The following ROBO2 variants were observed in gnomAD, a reference collection of about 807,000 sequenced individuals.
The protein encoded by ROBO2 is roundabout homolog 2.
Under a neutral mutation model 160.8 loss-of-function variants are expected in ROBO2, and 53 were observed. That is an observed-to-expected ratio of 0.33 (90% CI 0.26 to 0.41). ROBO2 has a LOEUF of 0.41. Ranked by LOEUF, ROBO2 falls within the 10% of genes least tolerant of loss-of-function variation. ROBO2 has a pLI of 1.00. For missense variants in ROBO2, 1,577 were observed against 1,722.4 expected, an observed-to-expected ratio of 0.92 and a Z score of 1.49; for synonymous variants, 664 against 611.7, an observed-to-expected ratio of 1.09 and a Z score of -1.26.
chr3:76,426,514 A>T (rs1185749215), intron 2 of ROBO2, among the ~76,000 whole-genome samples: 1 of 152,144 alleles, frequency 6.6e-6, no homozygotes, highest in Non-Finnish European at 1.5e-5. Flanking sequence ...AAATAAAATG[A>T]TCCTTTTTCT....
At chr3:76,037,827 T>C (rs1417108121) in intron 2 of ROBO2, among the ~76,000 whole-genome samples, 1 of 152,036 alleles carries the variant, frequency 6.6e-6, no homozygotes, top group Non-Finnish European at 1.5e-5. Context: ...ACAATGAATA[T>C]GAGTTTTTAA....
intron 2 of ROBO2, among the ~76,000 whole-genome samples, chr3:77,112,931 G>A (rs2073811721): frequency 6.6e-6 from 1 of 152,134 alleles, no homozygotes; most frequent in African/African-American, 2.4e-5. Flanking sequence ...TGAATCTCCA[G>A]GATAATGAAA....
At chr3:77,264,156 C>G (rs144750489) in intron 2 of ROBO2, among the ~76,000 whole-genome samples, 3 of 152,018 alleles carry the variant, frequency 2.0e-5, no homozygotes, top group Admixed American at 2.0e-4. Flanking sequence ...AAATTCAGTG[C>G]TTTTAACAAA....
intron 2 of ROBO2, among the ~76,000 whole-genome samples, chr3:77,293,732 A>C (rs1459194154): frequency 2.8e-5 from 4 of 142,754 alleles, no homozygotes; most frequent in African/African-American, 1.1e-4. Flanking sequence ...ATTGATGGTT[A>C]AACGGGTAAG....
At chr3:77,462,515 T>C (rs920736305) in intron 2 of ROBO2, among the ~76,000 whole-genome samples, 3 of 152,238 alleles carry the variant, frequency 2.0e-5, no homozygotes, top group African/African-American at 7.2e-5. Context: ...AAAATTGCCA[T>C]TTGTGTCACT....
At chr3:75,938,345 A>C (rs977678686) in intron 2 of ROBO2, among the ~76,000 whole-genome samples, 1 of 151,732 alleles carries the variant, frequency 6.6e-6, no homozygotes, top group African/African-American at 2.4e-5. Flanking sequence ...GAGGTTTTGG[A>C]GGTGTGTTTT....
At chr3:75,980,722 A>G (rs1223936767) in intron 2 of ROBO2, among the ~76,000 whole-genome samples, 2 of 151,652 alleles carry the variant, frequency 1.3e-5, no homozygotes, top group South Asian at 2.1e-4. Flanking sequence ...CTGGACACAT[A>G]TATCTCTGAC....
intron 4 of ROBO2, among the ~76,000 whole-genome samples, chr3:77,487,060 G>T (rs1053696430): frequency 2.0e-5 from 3 of 152,128 alleles, no homozygotes; most frequent in African/African-American, 7.2e-5. Context: ...TGATGATACT[G>T]GTTTTCAGTC....
At chr3:76,521,312 G>T (rs546213897) in intron 2 of ROBO2, among the ~76,000 whole-genome samples, 1 of 152,214 alleles carries the variant, frequency 6.6e-6, no homozygotes, top group East Asian at 1.9e-4. Context: ...GCCTCCCAAA[G>T]TGCTGGGATT....
chr3:76,294,100 CA>C (rs1474933344), intron 2 of ROBO2, among the ~76,000 whole-genome samples: 1 of 152,198 alleles, frequency 6.6e-6, no homozygotes, highest in African/African-American at 2.4e-5. Context: ...GTTGTGACAG[CA>C]CCCAAGCTTA....
intron 2 of ROBO2, among the ~76,000 whole-genome samples, chr3:76,093,460 A>G (rs2069313995): frequency 7.1e-6 from 1 of 140,894 alleles, no homozygotes; most frequent in East Asian, 2.1e-4. Context: ...TGAAAAAAAT[A>G]CAGTTTATAA....
At chr3:76,888,219 T>G (rs1304189658) in intron 2 of ROBO2, among the ~76,000 whole-genome samples, 2 of 151,996 alleles carry the variant, frequency 1.3e-5, no homozygotes, top group African/African-American at 2.4e-5. Context: ...AATATAAAGA[T>G]TAGCCAGGTG....
chr3:77,037,304 A>G (rs1416045804), upstream of ROBO2, among the ~76,000 whole-genome samples: 2 of 152,190 alleles, frequency 1.3e-5, no homozygotes, highest in East Asian at 3.8e-4. Context: ...GAAAACATGG[A>G]TTCCAAAATG....
At chr3:77,577,697 A>C (rs1339173372) in intron 15 of ROBO2, 83 bp downstream of exon 16, 1 of 1,499,620 alleles carries the variant, frequency 6.7e-7, no homozygotes, top group African/African-American at 1.4e-5. Context: ...ACACATCTCT[A>C]AAGGTTCTCT....
intron 6 of ROBO2, among the ~76,000 whole-genome samples, chr3:77,527,880 T>C (rs1016778158): frequency 2.0e-5 from 3 of 151,618 alleles, no homozygotes; most frequent in African/African-American, 4.8e-5. Context: ...TTTTAGCTGC[T>C]GCATATTTAT....
chr3:75,928,901 T>TGA (rs1553702731), intron 1 of ROBO2, among the ~76,000 whole-genome samples: 10 of 108,630 alleles, frequency 9.2e-5, no homozygotes, highest in Admixed American at 3.9e-4. Context: ...TGTGTGTGTG[T>TGA]GATAGCTGAT....
At chr3:76,668,746 G>GA (rs11370978) in intron 2 of ROBO2, among the ~76,000 whole-genome samples, 56,659 of 149,494 alleles carry the variant, frequency 0.38, 10,652 homozygotes, top group South Asian at 0.47. Flanking sequence ...CAAACTCAGA[G>GA]AAAAAAAAAA....
At chr3:76,673,629 G>A (rs1255601973) in intron 2 of ROBO2, among the ~76,000 whole-genome samples, 1 of 152,060 alleles carries the variant, frequency 6.6e-6, no homozygotes, top group Non-Finnish European at 1.5e-5. Flanking sequence ...AACTATCACT[G>A]GCCTCATTTT....
intron 2 of ROBO2, among the ~76,000 whole-genome samples, chr3:76,857,798 G>C (rs2070295539): frequency 6.6e-6 from 1 of 152,078 alleles, no homozygotes; most frequent in Non-Finnish European, 1.5e-5. Context: ...ACGGCTTTTA[G>C]CATAAAATGA....
Sources: gnomAD v4.1 joint callset for allele counts (sites outside exome capture counted in the v4.1 genomes callset) on GRCh38, gnomAD v4.1.1 for gene constraint, MANE v1.5 for transcripts, NCBI Gene and HGNC (gene_info 2026-07-23, HGNC 2026-07-21) for gene names.